MRAS: variants seen among roughly 807,000 people sequenced by gnomAD.
MRAS encodes the protein muscle RAS oncogene homolog.
Under a neutral mutation model 20.9 loss-of-function variants are expected in MRAS, and 4 were observed. The ratio of observed to expected loss-of-function variants is 0.19; its 90% CI spans 0.09 to 0.44. The LOEUF (loss-of-function observed/expected upper bound fraction) is 0.44, where lower values mean the gene tolerates loss of function less well. MRAS is among the 20% of genes least tolerant of loss of function. The pLI is 0.99. For missense variants in MRAS, 154 were observed against 277.5 expected, an observed-to-expected ratio of 0.56 and a Z score of 3.16; for synonymous variants, 98 against 102.9, an observed-to-expected ratio of 0.95 and a Z score of 0.29.
rs1441612356 is a variant in MRAS at position 138,404,163 on chromosome 3, A to G, written c.*1894A>G. ...AAGGACAAAGCTCTTCCCAATCCTT[A>G]TGCTTCCCTAAGTGGTATCTGCAGC... On this transcript the variant is annotated 3_prime_UTR_variant, in exon 6 of 6. Coordinates refer to ENST00000423968, the MANE Select transcript of MRAS (RefSeq NM_001085049.3). The G allele has an allele frequency of 6.6e-6, 1 of 152,188 alleles. No homozygotes were observed. Among genetic ancestry groups the G allele is most frequent in the African/African-American group, 2.4e-5 (1 of 41,420 alleles). The allele number at this position is 152,188 out of a possible 1,614,324, so 9.4% of individuals were successfully genotyped here.
chr3:138,387,343 G>C (rs1403579801), intron 2 of MRAS, among the ~76,000 whole-genome samples: 1 of 152,212 alleles, frequency 6.6e-6, no homozygotes, highest in Non-Finnish European at 1.5e-5. Flanking sequence ...CAGCCTCCAG[G>C]CTTCTGTCCT....
At chr3:138,398,338 G>A (rs1576389345) in intron 3 of MRAS, 131 bp from the exon 4 acceptor site, 1 of 726,980 alleles carries the variant, frequency 1.4e-6, no homozygotes, top group East Asian at 2.5e-5. Context: ...AGAGGGAAGG[G>A]ACTGCAGTCC....
rs557359489 is a variant in MRAS at position 138,359,926 on chromosome 3, TTAAAA to T, written c.-19+11163_-19+11167del. On this transcript the variant is annotated intron_variant, in intron 1 of 5. Coordinates refer to ENST00000423968, the MANE Select transcript of MRAS (RefSeq NM_001085049.3). ...AAACTTTTTCATTGGTGGCCAGTAT[TTAAAA>T]TAATAAAATAGCCAGAAATCTGAGT... is the stretch of plus-strand genomic sequence containing the variant. Among the ~76,000 whole-genome samples, 4 of 152,328 alleles carry T rather than the reference TTAAAA, an allele frequency of 2.6e-5. No individual in the cohort carries two copies. In the South Asian group the frequency reaches 6.2e-4, roughly 24 times the overall value.
chr3:138,357,408 C>T (rs1353208429), intron 1 of MRAS, among the ~76,000 whole-genome samples: 2 of 152,228 alleles, frequency 1.3e-5, no homozygotes, highest in Non-Finnish European at 2.9e-5. Context: ...CCTCTATAGC[C>T]TCCTCTTCCA....
chr3:138,360,802 C>G (rs776039054), intron 1 of MRAS, among the ~76,000 whole-genome samples: 3 of 152,188 alleles, frequency 2.0e-5, no homozygotes, highest in Non-Finnish European at 4.4e-5. Context: ...AAAGCTGTGC[C>G]AGGGCTCTGG....
intron 1 of MRAS, among the ~76,000 whole-genome samples, chr3:138,364,623 T>A (rs1318478508): frequency 6.6e-6 from 1 of 152,130 alleles, no homozygotes. Context: ...CGGACCCATA[T>A]AGGGGATAGG....
At chr3:138,402,068 A>G in intron 5 of MRAS, 102 bp from the exon 6 acceptor site, 2 of 1,127,194 alleles carry the variant, frequency 1.8e-6, no homozygotes, top group Admixed American at 4.3e-5. Flanking sequence ...CCCCGCCAGA[A>G]CAGGCCTCCT....
At chr3:138,352,654 C>T (rs745653518) in intron 1 of MRAS, among the ~76,000 whole-genome samples, 4 of 152,066 alleles carry the variant, frequency 2.6e-5, no homozygotes, top group Non-Finnish European at 4.4e-5. Flanking sequence ...CCTTCTGAGT[C>T]TCAGAGGGGT....
At chr3:138,398,347 C>A in intron 3 of MRAS, 122 bp from the exon 4 acceptor site, 1 of 784,386 alleles carries the variant, frequency 1.3e-6, no homozygotes, top group South Asian at 1.6e-5. Flanking sequence ...GGACTGCAGT[C>A]CAGGCTGACT....
At chr3:138,381,999 G>A (rs1456457961) in intron 2 of MRAS, among the ~76,000 whole-genome samples, 2 of 152,226 alleles carry the variant, frequency 1.3e-5, no homozygotes, top group African/African-American at 4.8e-5. Context: ...TTCAGAGTGG[G>A]CACTCTCCAT....
chr3:138,356,563 T>G (rs142326169), intron 1 of MRAS, among the ~76,000 whole-genome samples: 1 of 152,330 alleles, frequency 6.6e-6, no homozygotes, highest in East Asian at 1.9e-4. Context: ...AAGCCGTCTT[T>G]CTTGGCCAAC....
chr3:138,385,112 G>A (rs138584578), intron 2 of MRAS, among the ~76,000 whole-genome samples: 2 of 151,088 alleles, frequency 1.3e-5, no homozygotes, highest in African/African-American at 2.4e-5. Context: ...ATGAACAGTA[G>A]TGGGAGGGAG....
chr3:138,397,023 A>G (rs955900030), intron 2 of MRAS, among the ~76,000 whole-genome samples: 1 of 152,152 alleles, frequency 6.6e-6, no homozygotes, highest in Non-Finnish European at 1.5e-5. Context: ...CACTGGCTTC[A>G]TGAGGCGCGT....
At chr3:138,357,502 T>G (rs2054359630) in intron 1 of MRAS, among the ~76,000 whole-genome samples, 1 of 152,260 alleles carries the variant, frequency 6.6e-6, no homozygotes, top group Admixed American at 6.5e-5. Context: ...ACCTGACATG[T>G]GGAAATGAAG....
At chr3:138,348,918 G>T (rs531909394) in intron 1 of MRAS, 151 bp downstream of exon 1, 71 of 152,254 alleles carry the variant, frequency 4.7e-4, no homozygotes, top group African/African-American at 1.5e-3. Context: ...CCGGCTGTGC[G>T]TGGCGTTTTG....
intron 1 of MRAS, among the ~76,000 whole-genome samples, chr3:138,362,795 G>T (rs984624989): frequency 6.6e-6 from 1 of 152,096 alleles, no homozygotes; most frequent in African/African-American, 2.4e-5. Flanking sequence ...GGCACCGTGC[G>T]TGGTATAGGG....
At chr3:138,379,347 G>T (rs1286333163) in intron 2 of MRAS, among the ~76,000 whole-genome samples, 6 of 144,802 alleles carry the variant, frequency 4.1e-5, no homozygotes, top group African/African-American at 1.3e-4. Flanking sequence ...TGCTGCAAAT[G>T]ACAGAATGTC....
At chr3:138,388,876 T>C (rs954744713) in intron 2 of MRAS, among the ~76,000 whole-genome samples, 1 of 151,874 alleles carries the variant, frequency 6.6e-6, no homozygotes, top group African/African-American at 2.4e-5. Context: ...AGTTTCACTC[T>C]CGTTGCCCAG....
intron 1 of MRAS, among the ~76,000 whole-genome samples, chr3:138,358,641 A>G (rs1303118211): frequency 6.6e-6 from 1 of 152,270 alleles, no homozygotes; most frequent in Non-Finnish European, 1.5e-5. Flanking sequence ...ACAGTGGAGA[A>G]TAGAACAGAG....
Sources: gnomAD v4.1 joint callset for allele counts (sites outside exome capture counted in the v4.1 genomes callset) on GRCh38, gnomAD v4.1.1 for gene constraint, MANE v1.5 for transcripts, NCBI Gene and HGNC (gene_info 2026-07-23, HGNC 2026-07-21) for gene names.